Variants in NSUN6 observed in about 807,000 individuals in gnomAD.
The protein encoded by NSUN6 is NOP2/Sun RNA methyltransferase 6, also known as tRNA (cytosine(72)-C(5))-methyltransferase NSUN6.
A neutral mutation model predicts 58.0 loss-of-function variants in NSUN6; 64 were observed. The observed-to-expected ratio is 1.10, with a 90% CI of 0.90 to 1.36. The LOEUF (loss-of-function observed/expected upper bound fraction) is 1.36, where lower values mean the gene tolerates loss of function less well. Among genes scored for constraint, NSUN6 ranks in the 40% most tolerant of loss-of-function variants. The probability of loss-of-function intolerance (pLI) is 0.00; values close to 1 mark genes in which losing one functional copy is unlikely to be tolerated. For missense variants in NSUN6, 701 were observed against 550.1 expected (o/e 1.27, Z -2.74); for synonymous variants, 231 against 193.9 (o/e 1.19, Z -1.59).
intron 3 of NSUN6, among the ~76,000 whole-genome samples, chr10:18,626,992 T>A (rs2058834800): frequency 6.6e-6 from 1 of 152,202 alleles, no homozygotes; most frequent in South Asian, 2.1e-4. Context: ...ACAAATTGAT[T>A]TTTGGCCTAA....
chr10:18,633,849 A>G (rs1436703163), intron 3 of NSUN6, among the ~76,000 whole-genome samples: 2 of 152,216 alleles, frequency 1.3e-5, no homozygotes, highest in African/African-American at 4.8e-5. Flanking sequence ...CTAAGCACAA[A>G]TTAAACAAAT....
upstream of NSUN6, chr10:18,658,635 T>C (rs960488862): frequency 3.1e-6 from 3 of 971,334 alleles, no homozygotes; most frequent in African/African-American, 3.5e-5. Context: ...TGTGTTATTA[T>C]TAATCACATA....
At chr10:18,613,969 G>C (rs2058323943) in intron 5 of NSUN6, among the ~76,000 whole-genome samples, 1 of 152,068 alleles carries the variant, frequency 6.6e-6, no homozygotes, top group African/African-American at 2.4e-5. Flanking sequence ...ATTTAGAACA[G>C]ACTATATTTT....
chr10:18,611,240 T>C (rs12785031), intron 5 of NSUN6, among the ~76,000 whole-genome samples: 32,754 of 151,764 alleles, frequency 0.22, 3,879 homozygotes, highest in South Asian at 0.35. Flanking sequence ...TTATACCTAG[T>C]TTAAGGGTAC....
chr10:18,616,380 C>T (rs1015878243), intron 3 of NSUN6, 87 bp from the exon 4 acceptor site: 11 of 759,264 alleles, frequency 1.4e-5, no homozygotes, highest in African/African-American at 3.5e-5. Context: ...ACTCTAATGC[C>T]TCTTTAGTCT....
At chr10:18,555,920 T>TGGAAG (rs2054978593) in intron 8 of NSUN6, among the ~76,000 whole-genome samples, 1 of 147,734 alleles carries the variant, frequency 6.8e-6, no homozygotes. Flanking sequence ...TGGAATGGAA[T>TGGAAG]GGAATGGAAT....
intron 7 of NSUN6, among the ~76,000 whole-genome samples, chr10:18,595,605 AG>A (rs2057554050): frequency 6.6e-6 from 1 of 152,204 alleles, no homozygotes; most frequent in East Asian, 1.9e-4. Context: ...TTTGGGGCAA[AG>A]AAGAGTATAA....
intron 8 of NSUN6, among the ~76,000 whole-genome samples, chr10:18,555,206 T>C (rs988031156): frequency 1.5e-5 from 2 of 129,754 alleles, no homozygotes; most frequent in African/African-American, 6.0e-5. Flanking sequence ...GAATGGAATA[T>C]GGAATGGAAT....
At chr10:18,628,643 G>A in intron 3 of NSUN6, among the ~76,000 whole-genome samples, 1 of 152,212 alleles carries the variant, frequency 6.6e-6, no homozygotes, top group Non-Finnish European at 1.5e-5. Flanking sequence ...TCAACTGGAA[G>A]AAAGGGTATC....
intron 7 of NSUN6, among the ~76,000 whole-genome samples, chr10:18,589,995 G>T (rs1002449547): frequency 6.6e-6 from 1 of 152,144 alleles, no homozygotes; most frequent in Non-Finnish European, 1.5e-5. Context: ...CCATCGGTGT[G>T]CTGTATTCGG....
chr10:18,643,015 G>C (rs2059433667), intron 2 of NSUN6, among the ~76,000 whole-genome samples: 1 of 151,942 alleles, frequency 6.6e-6, no homozygotes, highest in South Asian at 2.1e-4. Flanking sequence ...GGGATTTTCA[G>C]TATCCTCTAT....
chr10:18,611,582 C>T (rs747877166), intron 5 of NSUN6, among the ~76,000 whole-genome samples: 22 of 152,062 alleles, frequency 1.4e-4, no homozygotes, highest in African/African-American at 3.6e-4. Context: ...CAGGCTGGAG[C>T]GCAGTGGCAC....
chr10:18,617,106 A>T (rs533192451), intron 3 of NSUN6, among the ~76,000 whole-genome samples: 6 of 151,940 alleles, frequency 3.9e-5, no homozygotes, highest in Admixed American at 3.9e-4. Context: ...CTCACCTTGC[A>T]TTCTATCCCT....
intron 5 of NSUN6, among the ~76,000 whole-genome samples, chr10:18,610,343 C>T (rs185560079): frequency 9.9e-5 from 15 of 151,450 alleles, no homozygotes; most frequent in South Asian, 4.2e-4. Flanking sequence ...AGTGAAACTC[C>T]GTCTCAAAAA....
chr10:18,586,812 C>G (rs2131124370), intron 7 of NSUN6, among the ~76,000 whole-genome samples: 1 of 152,294 alleles, frequency 6.6e-6, no homozygotes, highest in Middle Eastern at 3.4e-3. Flanking sequence ...CTTTTATTCC[C>G]TTATTTGGCC....
chr10:18,652,393 AG>A, upstream of NSUN6: 1 of 984,442 alleles, frequency 1.0e-6, no homozygotes, highest in Non-Finnish European at 1.2e-6. Flanking sequence ...AGTATAGGAA[AG>A]GGTTTTTTAT....
intron 8 of NSUN6, among the ~76,000 whole-genome samples, chr10:18,560,260 G>A (rs1013585306): frequency 6.0e-5 from 9 of 150,586 alleles, no homozygotes; most frequent in African/African-American, 1.9e-4. Flanking sequence ...AATGGATAAT[G>A]GACGGCAATG....
intron 8 of NSUN6, among the ~76,000 whole-genome samples, chr10:18,560,590 ATG>A (rs2055417566): frequency 6.6e-6 from 1 of 150,932 alleles, no homozygotes; most frequent in Admixed American, 6.6e-5. Flanking sequence ...GGTATGGAGA[ATG>A]GAATAGAATG....
intron 8 of NSUN6, among the ~76,000 whole-genome samples, chr10:18,559,055 GATGGTATGGAGAATGGAATGGAATGGAGA>G (rs2055275387): frequency 6.7e-6 from 1 of 150,294 alleles, no homozygotes; most frequent in Non-Finnish European, 1.5e-5. Flanking sequence ...TGGAATGGAG[GATGGTATGGAGAATGGAATGGAATGGAGA>G]ATGGAATGGA....
Sources: allele counts gnomAD v4.1 joint callset (sites outside exome capture counted in the v4.1 genomes callset), GRCh38; gene constraint gnomAD v4.1.1; transcripts MANE v1.5; gene names NCBI Gene and HGNC (gene_info 2026-07-23, HGNC 2026-07-21).